CAMSAP2: variants seen among roughly 807,000 people sequenced by gnomAD.
CAMSAP2 encodes the protein calmodulin-regulated spectrin-associated protein 2.
Under a neutral mutation model 146.1 loss-of-function variants are expected in CAMSAP2, and 26 were observed. That is an observed-to-expected ratio of 0.18 (90% CI 0.13 to 0.25). The LOEUF (loss-of-function observed/expected upper bound fraction) is 0.25, where lower values mean the gene tolerates loss of function less well. Among genes scored for constraint, CAMSAP2 ranks in the 10% least tolerant of loss-of-function variants. The pLI is 1.00. For missense variants in CAMSAP2, 1,381 were observed against 1,759.3 expected, an observed-to-expected ratio of 0.78 and a Z score of 3.85; for synonymous variants, 499 against 596.6, an observed-to-expected ratio of 0.84 and a Z score of 2.38.
intron 1 of CAMSAP2, among the ~76,000 whole-genome samples, chr1:200,750,626 T>A (rs1258694530): frequency 3.0e-5 from 3 of 100,464 alleles, no homozygotes; most frequent in African/African-American, 1.2e-4. Flanking sequence ...GATAGATACA[T>A]CTTTTTTTTT....
intron 4 of CAMSAP2, among the ~76,000 whole-genome samples, chr1:200,817,183 C>CATGTGTGTGTGTAT (rs1370112352): frequency 3.0e-5 from 2 of 66,322 alleles, no homozygotes; most frequent in Non-Finnish European, 5.3e-5. Flanking sequence ...TATATACACA[C>CATGTGTGTGTGTAT]ACACACATGT....
chr1:200,797,853 G>C (rs1258687183), intron 2 of CAMSAP2, among the ~76,000 whole-genome samples: 1 of 143,164 alleles, frequency 7.0e-6, no homozygotes, highest in African/African-American at 2.6e-5. Context: ...TTTGTATAAG[G>C]TGTAAGGAAG....
At chr1:200,828,462 T>TGATAG in intron 4 of CAMSAP2, 1 of 992,670 alleles carries the variant, frequency 1.0e-6, no homozygotes. Flanking sequence ...AACTATAAAC[T>TGATAG]TGGAACTCCA....
At chr1:200,809,013 C>A (rs1419813827) in intron 3 of CAMSAP2, among the ~76,000 whole-genome samples, 3 of 152,222 alleles carry the variant, frequency 2.0e-5, no homozygotes, top group African/African-American at 7.2e-5. Context: ...AAGTTGGTTT[C>A]ACTTTAAGTT....
At chr1:200,809,473 C>T (rs568934228) in intron 3 of CAMSAP2, among the ~76,000 whole-genome samples, 3 of 152,242 alleles carry the variant, frequency 2.0e-5, no homozygotes, top group Non-Finnish European at 4.4e-5. Flanking sequence ...CTCAGTGGCT[C>T]ACGCCTGTAA....
At chr1:200,740,844 A>G (rs548562684) in intron 1 of CAMSAP2, among the ~76,000 whole-genome samples, 1 of 152,224 alleles carries the variant, frequency 6.6e-6, no homozygotes, top group Non-Finnish European at 1.5e-5. Flanking sequence ...TGTTAAAAAA[A>G]TTAGAGAGCT....
chr1:200,785,496 C>A (rs1665561741), intron 2 of CAMSAP2, among the ~76,000 whole-genome samples: 1 of 148,610 alleles, frequency 6.7e-6, no homozygotes, highest in South Asian at 2.1e-4. Context: ...TCAAGCGATT[C>A]TCCTATCTCA....
In CAMSAP2 at chr1:200,815,593, A is replaced by G. The variant is rs759832629; in HGVS notation, c.594A>G (p.Gln198=). The G allele has an allele frequency of 1.3e-6, 2 of 1,576,962 alleles. No individual in the cohort carries two copies. The highest frequency in any genetic ancestry group is 1.4e-5 in the African/African-American group (1 of 73,528). ...VNEHLKDIME[Q]EQKLKEHHTV... ...AACATTTGAAAGACATAATGGAACA[A>G]GAACAAAAACTGAAAGAACATCACA... The change falls in exon 4 of 17, where the codon CAA becomes CAG. Residue 198 remains glutamine, a synonymous_variant. Coordinates refer to ENST00000358823, the MANE Select transcript of CAMSAP2 (RefSeq NM_203459.4).
intron 2 of CAMSAP2, among the ~76,000 whole-genome samples, chr1:200,788,588 G>A (rs1665659480): frequency 6.6e-6 from 1 of 151,164 alleles, no homozygotes. Flanking sequence ...GTTCTAATAG[G>A]TTTTAATTTG....
chr1:200,743,989 A>G (rs939691038), intron 1 of CAMSAP2, among the ~76,000 whole-genome samples: 10 of 151,564 alleles, frequency 6.6e-5, no homozygotes, highest in Non-Finnish European at 1.5e-5. Context: ...TAAAGCTGCT[A>G]ATACTTATTG....
At chr1:200,767,935 A>G (rs557137616) in intron 2 of CAMSAP2, among the ~76,000 whole-genome samples, 1 of 152,276 alleles carries the variant, frequency 6.6e-6, no homozygotes, top group Admixed American at 6.5e-5. Flanking sequence ...ATTTGTGATC[A>G]TTTATTTGGA....
rs1378831958 is a variant in CAMSAP2, at chr1:200,816,763, T to TAC, written c.645+1128_645+1129dup. ...ACACACACGCGTGTATATATGTGTGTACACACACACGCGTGTATATATGTG... is the reference window on the plus strand; with the variant it reads ...ACACACACGCGTGTATATATGTGTGTACACACACACACGCGTGTATATATGTG... On this transcript the variant is annotated intron_variant, in intron 4 of 16. Coordinates refer to ENST00000358823, the MANE Select transcript of CAMSAP2 (RefSeq NM_203459.4). Among the ~76,000 whole-genome samples, 2 of 120,810 alleles carry TAC rather than the reference T, an allele frequency of 1.7e-5. 1 individual carries two copies. Among genetic ancestry groups the TAC allele is most frequent in the Non-Finnish European group, 3.6e-5 (2 of 55,718 alleles). The allele number at this position is 120,810 out of a possible 152,430, so 79.3% of individuals were successfully genotyped here.
At position 200,832,660 on chromosome 1, in the gene CAMSAP2, A is replaced by AT. The variant is rs1315721729; in HGVS notation, c.788-45dup. ...ACAAGATGGATATGAAATATTTATT[A>AT]TCAAATTAATCCAAAGTCACCACCT... On this transcript the variant is annotated intron_variant, in intron 5 of 16. Transcript: ENST00000358823. The surrounding 1 kb of genome is among the most constrained non-coding windows in gnomAD (Gnocchi z 4.2). The AT allele has an allele frequency of 6.8e-6, 10 of 1,462,300 alleles. No individual in the cohort carries two copies. The highest frequency in any genetic ancestry group is 9.2e-6 in the Non-Finnish European group (10 of 1,084,018). The allele number at this position is 1,462,300 out of a possible 1,614,324, so 90.6% of individuals were successfully genotyped here.
Position 200,848,939 on chromosome 1 carries a change from G to A in CAMSAP2, c.2170G>A (p.Val724Met), listed in dbSNP as rs753833766. The change falls in exon 11 of 17, where the codon GTG (valine) becomes ATG (methionine). Residue 724 changes from valine to methionine, a missense_variant. Physicochemically the swap from Val to Met is conservative, Grantham distance 21. Around this residue, in one of 4 missense-constraint regions of CAMSAP2, gnomAD observed 447 missense variants for 462.2 expected, o/e 0.97. Coordinates refer to ENST00000358823, the MANE Select transcript of CAMSAP2 (RefSeq NM_203459.4). ...PEGSELNIPH[V>M]VAWAQIPEET... is the part of the protein sequence containing the mutation. ...AGGCTCTGAACTTAATATTCCTCATGTGGTTGCTTGGGCACAAATTCCAGA... is the reference window on the plus strand; with the variant it reads ...AGGCTCTGAACTTAATATTCCTCATATGGTTGCTTGGGCACAAATTCCAGA... 6.2e-7 allele frequency: 1 copy of A among 1,614,218 alleles called. No homozygotes were observed. The highest frequency in any genetic ancestry group is 1.7e-5 in the Admixed American group (1 of 60,022).
chr1:200,832,387 C>A lies in CAMSAP2; in HGVS notation c.787+46C>A, dbSNP rs1157640467. On this transcript the variant is annotated intron_variant, in intron 5 of 16. Coordinates refer to ENST00000358823, the MANE Select transcript of CAMSAP2 (RefSeq NM_203459.4). The surrounding 1 kb of genome is among the most constrained non-coding windows in gnomAD (Gnocchi z 4.2). ...CTTCTGAACTGTAGACAGATAGTAA[C>A]CAATATTTAAGACAGTATTATTTTG... 2 of 1,547,462 alleles carry A rather than the reference C, an allele frequency of 1.3e-6. No individual in the cohort carries two copies. Among genetic ancestry groups the A allele is most frequent in the East Asian group, 4.6e-5 (2 of 43,208 alleles).
chr1:200,856,018 C>G lies in CAMSAP2; in HGVS notation c.3905C>G (p.Ser1302Cys). 3.7e-6 allele frequency: 6 copies of G among 1,608,832 alleles called. No individual in the cohort carries two copies. The highest frequency in any genetic ancestry group is 5.1e-6 in the Non-Finnish European group (6 of 1,175,526). ...HSGKRTPRSE[S>C]VEGFLSPSRC... is the part of the protein sequence containing the mutation. ...TTTTATTTTCTAATTAGATCAGAGT[C>G]TGTAGAAGGCTTCTTATCTCCAAGT... Residue 1302 changes from serine to cysteine, a missense_variant, in exon 15 of 17, where the codon TCT becomes TGT. By Grantham distance (112) the Ser-to-Cys change is moderately radical. Around this residue, in one of 4 missense-constraint regions of CAMSAP2, gnomAD observed 560 missense variants for 715.9 expected, o/e 0.78. Coordinates refer to ENST00000358823, the MANE Select transcript of CAMSAP2 (RefSeq NM_203459.4).
Position 200,816,808 on chromosome 1 carries a change from A to G in CAMSAP2, c.645+1164A>G, listed in dbSNP as rs181242708. Among the ~76,000 whole-genome samples the G allele has an allele frequency of 2.4e-3, 110 of 45,322 alleles. 10 individuals carry two copies. Among genetic ancestry groups the G allele is most frequent in the African/African-American group, 4.3e-3 (46 of 10,798 alleles). 29.7% of individuals were successfully genotyped at this position (45,322 alleles called of 152,430 possible). The stretch of plus-strand genomic sequence containing the variant: ...TATGTGTGTACACACACACGCGTGT[A>G]TATATGTGTGTACACACACACGCGT... On this transcript the variant is annotated intron_variant, in intron 4 of 16. Coordinates refer to ENST00000358823, the MANE Select transcript of CAMSAP2 (RefSeq NM_203459.4).
chr1:200,795,703 A>G (rs1665867418), intron 2 of CAMSAP2, among the ~76,000 whole-genome samples: 1 of 152,198 alleles, frequency 6.6e-6, no homozygotes, highest in Non-Finnish European at 1.5e-5. Context: ...TTTTAACATT[A>G]TCTTGGAAAC....
At chr1:200,813,306 C>T (rs1666385605) in intron 3 of CAMSAP2, among the ~76,000 whole-genome samples, 1 of 152,228 alleles carries the variant, frequency 6.6e-6, no homozygotes, top group African/African-American at 2.4e-5. Context: ...AAAGGCTACA[C>T]CTCTTAATAT....
Sources: allele counts gnomAD v4.1 joint callset (sites outside exome capture counted in the v4.1 genomes callset), GRCh38; gene constraint gnomAD v4.1.1; regional missense constraint gnomAD v4.1.1; non-coding constraint Gnocchi (gnomAD v3.1); transcripts MANE v1.5; gene names NCBI Gene and HGNC (gene_info 2026-07-23, HGNC 2026-07-21).